Variants in CDK12 observed in about 807,000 individuals in gnomAD.
CDK12 encodes the protein cyclin dependent kinase 12.
Under a neutral mutation model 133.8 loss-of-function variants are expected in CDK12, and 17 were observed. That is an observed-to-expected ratio of 0.13 (90% CI 0.09 to 0.19). The LOEUF is 0.19. Ranked by LOEUF, CDK12 falls within the 10% of genes least tolerant of loss-of-function variation. The pLI, the probability that CDK12 is intolerant of heterozygous loss-of-function variation, is 1.00. For missense variants in CDK12, 1,508 were observed against 1,818.7 expected, an observed-to-expected ratio of 0.83 and a Z score of 3.11; for synonymous variants, 694 against 683.6, an observed-to-expected ratio of 1.02 and a Z score of -0.24.
chr17:39,462,996 C>G lies in CDK12; in HGVS notation c.925C>G (p.Arg309Gly). ...QRSVSPYSRR[R>G]SSSYERSGSY... ...ATCTGTCAGTCCCTATAGCAGGAGA[C>G]GGTCGTCCAGCTACGAAAGAAGTGG... Residue 309 changes from arginine to glycine, a missense_variant, in exon 1 of 14, where the codon CGG becomes GGG. By Grantham distance (125) the Arg-to-Gly change is moderately radical. Coordinates refer to ENST00000447079, the MANE Select transcript of CDK12 (RefSeq NM_016507.4). 3 of 1,614,126 alleles carry G rather than the reference C, an allele frequency of 1.9e-6. No individual in the cohort carries two copies. The highest frequency in any genetic ancestry group is 1.1e-5 in the South Asian group (1 of 91,072).
At chr17:39,505,739 CAAAT>C (rs1470660099) in intron 6 of CDK12, among the ~76,000 whole-genome samples, 3 of 151,992 alleles carry the variant, frequency 2.0e-5, no homozygotes, top group Non-Finnish European at 4.4e-5. Flanking sequence ...CAACCAAAAA[CAAAT>C]AAAAAACAGT....
intron 2 of CDK12, among the ~76,000 whole-genome samples, chr17:39,481,870 G>A (rs1301243471): frequency 6.6e-6 from 1 of 151,430 alleles, no homozygotes; most frequent in African/African-American, 2.4e-5. Context: ...ACAGGCAAGC[G>A]CCACCATGCC....
chr17:39,507,793 C>T (rs2053229600), intron 6 of CDK12, among the ~76,000 whole-genome samples: 1 of 152,126 alleles, frequency 6.6e-6, no homozygotes, highest in Admixed American at 6.6e-5. Context: ...TTTGAGGAAT[C>T]ATCTTTGTCT....
At chr17:39,497,895 G>A (rs1400731144) in intron 5 of CDK12, among the ~76,000 whole-genome samples, 3 of 151,922 alleles carry the variant, frequency 2.0e-5, no homozygotes, top group South Asian at 2.1e-4. Context: ...TTGGGCCACC[G>A]CACCCAGCGA....
intron 4 of CDK12, among the ~76,000 whole-genome samples, chr17:39,493,510 T>A (rs1056418801): frequency 2.7e-5 from 4 of 150,868 alleles, no homozygotes; most frequent in African/African-American, 7.3e-5. Context: ...GGTTTTACCA[T>A]GTTGGCCAGG....
At chr17:39,551,693 C>T (rs993634285) in intron 2 of CDK12, among the ~76,000 whole-genome samples, 1 of 152,156 alleles carries the variant, frequency 6.6e-6, no homozygotes, top group Non-Finnish European at 1.5e-5. Flanking sequence ...GGCCTTAGAG[C>T]TCTTAGACCC....
In CDK12 at chr17:39,470,904, A is replaced by G. The variant is rs766724817; in HGVS notation, c.1072A>G (p.Arg358Gly). Reference sequence around the variant, plus strand: ...TAGGAAATCCATGAAGTCCAGAAGTAGAAGTCCTGCATATTCAAGACATTC... The same window carrying G: ...TAGGAAATCCATGAAGTCCAGAAGTGGAAGTCCTGCATATTCAAGACATTC... ...PSRKSMKSRS[R>G]SPAYSRHSSS... Residue 358 changes from arginine (R) to glycine (G), a missense_variant, in exon 2 of 14, where the codon AGA becomes GGA. Coordinates refer to ENST00000447079, the MANE Select transcript of CDK12 (RefSeq NM_016507.4). 112 of 1,606,808 alleles carry G rather than the reference A, an allele frequency of 7.0e-5. No homozygotes were observed. Among genetic ancestry groups the G allele is most frequent in the Non-Finnish European group, 9.3e-6 (11 of 1,178,152 alleles).
At chr17:39,537,756 G>T (rs1261912529), downstream of CDK12, among the ~76,000 whole-genome samples, 2 of 151,826 alleles carry the variant, frequency 1.3e-5, no homozygotes, top group Admixed American at 6.6e-5. Flanking sequence ...TAGTGACAGG[G>T]TTTCACCATG....
intron 1 of CDK12, among the ~76,000 whole-genome samples, chr17:39,468,020 A>G (rs1228680556): frequency 6.6e-6 from 1 of 151,616 alleles, no homozygotes; most frequent in East Asian, 1.9e-4. Context: ...TAGCCTCCCG[A>G]GCAGCTGGGA....
chr17:39,482,598 C>CTTTTTTTTTTTTTTTT (rs1440834572), intron 2 of CDK12, among the ~76,000 whole-genome samples: 2 of 53,518 alleles, frequency 3.7e-5, no homozygotes, highest in Non-Finnish European at 5.5e-5. Flanking sequence ...CAATCAACTA[C>CTTTTTTTTTTTTTTTT]ATTTTTTTTT....
At chr17:39,478,900 A>G (rs139064344) in intron 2 of CDK12, among the ~76,000 whole-genome samples, 78 of 152,096 alleles carry the variant, frequency 5.1e-4, no homozygotes, top group African/African-American at 1.8e-3. Flanking sequence ...TTCTGTTTCT[A>G]TTTTGTATGT....
intron 4 of CDK12, among the ~76,000 whole-genome samples, chr17:39,493,659 T>A (rs141661759): frequency 6.6e-6 from 1 of 152,056 alleles, no homozygotes; most frequent in Non-Finnish European, 1.5e-5. Context: ...CCAAAAGTTA[T>A]TGAGTAGATC....
chr17:39,548,449 C>G (rs1247653544), upstream of CDK12, among the ~76,000 whole-genome samples: 1 of 152,196 alleles, frequency 6.6e-6, no homozygotes, highest in African/African-American at 2.4e-5. Context: ...CAGTCACTTT[C>G]CGACCCAGAT....
At chr17:39,547,590 C>T (rs890901413), upstream of CDK12, among the ~76,000 whole-genome samples, 18 of 152,126 alleles carry the variant, frequency 1.2e-4, no homozygotes, top group Admixed American at 7.9e-4. Context: ...CCAGATGCCT[C>T]CAGGAAGTGG....
chr17:39,510,892 C>T (rs1166014532), intron 7 of CDK12, among the ~76,000 whole-genome samples: 10 of 143,832 alleles, frequency 7.0e-5, no homozygotes, highest in Non-Finnish European at 1.2e-4. Flanking sequence ...GGATTACGGG[C>T]GTGAGCCACC....
chr17:39,477,458 G>A (rs748792741), intron 2 of CDK12, among the ~76,000 whole-genome samples: 9 of 151,662 alleles, frequency 5.9e-5, no homozygotes, highest in Non-Finnish European at 1.0e-4. Flanking sequence ...GGCTGGTCTC[G>A]AACTCCTGAC....
At chr17:39,540,925 C>T (rs2055379937) in intron 1 of CDK12, among the ~76,000 whole-genome samples, 1 of 152,206 alleles carries the variant, frequency 6.6e-6, no homozygotes, top group Non-Finnish European at 1.5e-5. Context: ...CTTCTGATTG[C>T]AGCTGAGAGG....
At chr17:39,483,463 A>T (rs1344395830) in intron 2 of CDK12, among the ~76,000 whole-genome samples, 3 of 151,524 alleles carry the variant, frequency 2.0e-5, no homozygotes, top group Non-Finnish European at 2.9e-5. Flanking sequence ...ATGGAGTTTG[A>T]CTGTGTTGTC....
At chr17:39,477,643 G>A (rs1323925065) in intron 2 of CDK12, among the ~76,000 whole-genome samples, 3 of 150,200 alleles carry the variant, frequency 2.0e-5, no homozygotes, top group Non-Finnish European at 4.4e-5. Flanking sequence ...CTCGATCTTG[G>A]CTCACTGCAA....
Sources: gnomAD v4.1 joint callset for allele counts (sites outside exome capture counted in the v4.1 genomes callset) on GRCh38, gnomAD v4.1.1 for gene constraint, MANE v1.5 for transcripts, NCBI Gene and HGNC (gene_info 2026-07-23, HGNC 2026-07-21) for gene names.